The following RBBP8 variants were observed in gnomAD, a reference collection of about 807,000 sequenced individuals.
The protein encoded by RBBP8 is DNA endonuclease RBBP8.
RBBP8 carries 88 observed loss-of-function variants against 108.3 expected under a neutral mutation model. The observed-to-expected ratio is 0.81, with a 90% CI of 0.68 to 0.97. The LOEUF is 0.97. Among genes scored for constraint, RBBP8 ranks in the 50% least tolerant of loss-of-function variants. RBBP8 has a pLI of 0.00. For synonymous variants in RBBP8, 332 were observed against 348.2 expected, an observed-to-expected ratio of 0.95 and a Z score of 0.52; for missense variants, 1,023 against 1,049.0, an observed-to-expected ratio of 0.98 and a Z score of 0.34.
intron 14 of RBBP8, among the ~76,000 whole-genome samples, chr18:22,998,789 A>G (rs2045900436): frequency 6.6e-6 from 1 of 152,256 alleles, no homozygotes; most frequent in African/African-American, 2.4e-5. Flanking sequence ...AAACTTTAGT[A>G]GTCTTTGCCT....
intron 16 of RBBP8, among the ~76,000 whole-genome samples, chr18:23,006,780 G>A (rs193010701): frequency 4.6e-5 from 7 of 152,248 alleles, no homozygotes; most frequent in Non-Finnish European, 8.8e-5. Flanking sequence ...GGGATTACAG[G>A]CTTGAGCCAC....
At chr18:22,926,707 T>C (rs911555081) in intron 3 of RBBP8, among the ~76,000 whole-genome samples, 3 of 152,322 alleles carry the variant, frequency 2.0e-5, no homozygotes, top group African/African-American at 7.2e-5. Flanking sequence ...AAGTCCAATG[T>C]AGCTAGAGTG....
upstream of RBBP8, among the ~76,000 whole-genome samples, chr18:22,928,722 T>C (rs1193567595): frequency 6.6e-6 from 1 of 151,108 alleles, no homozygotes; most frequent in Non-Finnish European, 1.5e-5. Context: ...CATGCTGGAG[T>C]GCAGGGGTGT....
chr18:23,019,368 A>G (rs1272196294), intron 17 of RBBP8, among the ~76,000 whole-genome samples: 1 of 152,200 alleles, frequency 6.6e-6, no homozygotes, highest in Non-Finnish European at 1.5e-5. Context: ...TAATTTACCT[A>G]GGAAGGTAAA....
chr18:22,958,082 C>T (rs879397207), intron 4 of RBBP8, among the ~76,000 whole-genome samples: 3 of 152,122 alleles, frequency 2.0e-5, no homozygotes, highest in African/African-American at 4.8e-5. Context: ...ATCACTTTTC[C>T]GCTCTTTCTA....
At chr18:22,942,398 G>C (rs954963640) in intron 2 of RBBP8, among the ~76,000 whole-genome samples, 1 of 152,004 alleles carries the variant, frequency 6.6e-6, no homozygotes, top group Non-Finnish European at 1.5e-5. Context: ...TATGTGCACT[G>C]ATCACAACAA....
In RBBP8 at chr18:22,949,680, T is replaced by C; in HGVS notation, c.215T>C (p.Val72Ala). The change falls in exon 4 of 19, where the codon GTC (valine) becomes GCC (alanine). Residue 72 changes from valine to alanine, a missense_variant. Coordinates refer to ENST00000327155, the MANE Select transcript of RBBP8 (RefSeq NM_002894.3). The part of the protein sequence containing the change: ...KNQQLREQQK[V>A]LHETIKVLED... ...CAACAGCTGAGGGAACAGCAGAAAG[T>C]CCTTCATGAAACCATTAAAGTTTTA... The C allele has an allele frequency of 6.2e-7, 1 of 1,613,424 alleles. No individual in the cohort carries two copies. The highest frequency in any genetic ancestry group is 8.5e-7 in the Non-Finnish European group (1 of 1,179,510).
At chr18:23,022,044 T>C in intron 17 of RBBP8, 85 bp from the exon 18 acceptor site, 1 of 1,168,294 alleles carries the variant, frequency 8.6e-7, no homozygotes. Flanking sequence ...GTAAATGGCT[T>C]TTTTAGCTTC....
intron 1 of RBBP8, among the ~76,000 whole-genome samples, chr18:22,915,241 A>T (rs1909308873): frequency 6.6e-6 from 1 of 152,164 alleles, no homozygotes; most frequent in Non-Finnish European, 1.5e-5. Context: ...TGAGCTGAGC[A>T]AGACTGATGC....
intron 3 of RBBP8, among the ~76,000 whole-genome samples, chr18:22,948,433 A>G (rs567040005): frequency 3.5e-4 from 54 of 152,162 alleles, no homozygotes; most frequent in Admixed American, 1.3e-3. Flanking sequence ...ACAAGCTTCA[A>G]TGATATATTA....
At chr18:23,018,933 G>A (rs188327988) in intron 17 of RBBP8, among the ~76,000 whole-genome samples, 9 of 152,126 alleles carry the variant, frequency 5.9e-5, no homozygotes, top group Non-Finnish European at 1.3e-4. Context: ...TTTAACATAC[G>A]GGCTAGAAAA....
At chr18:22,975,696 TTA>T (rs1234334685) in intron 6 of RBBP8, among the ~76,000 whole-genome samples, 1 of 151,976 alleles carries the variant, frequency 6.6e-6, no homozygotes, top group African/African-American at 2.4e-5. Flanking sequence ...CTCTTGTGTT[TTA>T]TGTTTATTAT....
intron 8 of RBBP8, among the ~76,000 whole-genome samples, chr18:22,988,370 C>G (rs1250833076): frequency 6.6e-6 from 1 of 152,196 alleles, no homozygotes; most frequent in African/African-American, 2.4e-5. Flanking sequence ...CTACTCCCAT[C>G]TTCTGTAGTT....
At chr18:22,959,408 C>T (rs1178172402) in intron 4 of RBBP8, among the ~76,000 whole-genome samples, 3 of 152,090 alleles carry the variant, frequency 2.0e-5, no homozygotes, top group South Asian at 2.1e-4. Flanking sequence ...GATCAACCTT[C>T]GTGATGCTCT....
chr18:22,951,459 C>T (rs529214107), intron 4 of RBBP8, among the ~76,000 whole-genome samples: 1 of 152,112 alleles, frequency 6.6e-6, no homozygotes, highest in Admixed American at 6.6e-5. Flanking sequence ...ACCACAGGAT[C>T]TGTGTAGAAA....
At chr18:22,940,555 C>T (rs761139179) in intron 2 of RBBP8, among the ~76,000 whole-genome samples, 38 of 151,744 alleles carry the variant, frequency 2.5e-4, no homozygotes, top group Non-Finnish European at 5.2e-4. Context: ...CTCCCGACCT[C>T]GTGATCCGCC....
chr18:22,935,836 A>C (rs930434863), intron 1 of RBBP8, among the ~76,000 whole-genome samples: 2 of 152,178 alleles, frequency 1.3e-5, no homozygotes, highest in Non-Finnish European at 2.9e-5. Context: ...CTTTATTCTA[A>C]GAGAGGCATG....
chr18:22,925,175 CCTAT>C lies in RBBP8; in HGVS notation c.-153-4203_-153-4200del, dbSNP rs1200759875. On this transcript the variant is annotated intron_variant, in intron 3 of 4. Coordinates refer to the RBBP8 transcript ENST00000577588. Reference sequence around the variant, plus strand: ...ATGAGCTGCTGCACTTGGCCGGAAGCCTATCTATTTCAATTTTAGTATCCTAAAT... The same window carrying C: ...ATGAGCTGCTGCACTTGGCCGGAAGCCTATTTCAATTTTAGTATCCTAAAT... 3.3e-5 allele frequency among the ~76,000 whole-genome samples: 5 copies of C among 152,130 alleles called. 1 individual carries two copies. The highest frequency in any genetic ancestry group is 2.0e-4 in the Admixed American group (3 of 15,284).
rs1269394180 is a variant in RBBP8 at position 22,972,191 on chromosome 18, T to TA, written c.362-2954dup. 7.4e-5 allele frequency among the ~76,000 whole-genome samples: 11 copies of TA among 148,234 alleles called. No homozygotes were observed. In the East Asian group the frequency reaches 1.9e-3, roughly 26 times the overall value. ...CAAGATGGTGAAAACCCGTCTCTAC[T>TA]AAAAAAAATACAAAAATTAGCCGGG... On this transcript the variant is annotated intron_variant, in intron 5 of 18. Coordinates refer to ENST00000327155, the MANE Select transcript of RBBP8 (RefSeq NM_002894.3).
Sources: allele counts gnomAD v4.1 joint callset (sites outside exome capture counted in the v4.1 genomes callset), GRCh38; gene constraint gnomAD v4.1.1; transcripts MANE v1.5; gene names NCBI Gene and HGNC (gene_info 2026-07-23, HGNC 2026-07-21).